The following GABRG3 variants were observed in gnomAD, a reference collection of about 807,000 sequenced individuals.
The protein encoded by GABRG3 is gamma-aminobutyric acid receptor subunit gamma-3.
A neutral mutation model predicts 48.8 loss-of-function variants in GABRG3; 25 were observed. The observed-to-expected ratio is 0.51, with a 90% CI of 0.37 to 0.72. The LOEUF (loss-of-function observed/expected upper bound fraction) is 0.72. Among genes scored for constraint, GABRG3 ranks in the 30% least tolerant of loss-of-function variants. GABRG3 has a pLI of 0.00. For missense variants in GABRG3, 394 were observed against 577.9 expected, an observed-to-expected ratio of 0.68 and a Z score of 3.26; for synonymous variants, 227 against 217.6, an observed-to-expected ratio of 1.04 and a Z score of -0.38.
At chr15:27,461,587 A>G (rs146450885) in intron 5 of GABRG3, among the ~76,000 whole-genome samples, 2,683 of 152,294 alleles carry the variant, frequency 0.018, 55 homozygotes, top group Middle Eastern at 0.085. Flanking sequence ...ATGGGTGGCC[A>G]GCTTTTATTC....
At chr15:27,532,546 G>C in intron 9 of GABRG3, 54 bp from the exon 10 acceptor site, 1 of 1,553,464 alleles carries the variant, frequency 6.4e-7, no homozygotes. Context: ...ATACACCTCA[G>C]GGTGTTTTTA....
intron 3 of GABRG3, among the ~76,000 whole-genome samples, chr15:27,192,707 C>G (rs989690661): frequency 6.6e-6 from 1 of 152,192 alleles, no homozygotes; most frequent in African/African-American, 2.4e-5. Flanking sequence ...CATCTGAAGC[C>G]TCCTTCTCTC....
chr15:27,094,599 C>T (rs550809744), intron 3 of GABRG3, among the ~76,000 whole-genome samples: 1 of 152,280 alleles, frequency 6.6e-6, no homozygotes, highest in Admixed American at 6.5e-5. Flanking sequence ...AGCAGTTCTG[C>T]AGGGAGCAGG....
intron 3 of GABRG3, among the ~76,000 whole-genome samples, chr15:27,200,482 G>A (rs1373370052): frequency 1.2e-4 from 19 of 152,106 alleles, no homozygotes; most frequent in Admixed American, 1.2e-3. Context: ...CGTGTGTTAG[G>A]TGCTGCATGC....
chr15:27,536,092 A>G lies in GABRG3; in HGVS notation c.*3211A>G, dbSNP rs1376077230. On this transcript the variant is annotated 3_prime_UTR_variant, in exon 10 of 10. Transcript: ENST00000615808. The stretch of plus-strand genomic sequence containing the variant: ...GGAGATGACAGTTCTGTATTTTGAC[A>G]TGGAATCCAAATTTCTGACCACTGT... The G allele has an allele frequency of 1.3e-5, 2 of 152,328 alleles. No individual in the cohort carries two copies. The highest frequency in any genetic ancestry group is 2.4e-5 in the African/African-American group (1 of 41,560). The allele number at this position is 152,328 out of a possible 1,614,324, so 9.4% of individuals were successfully genotyped here.
chr15:27,270,174 T>G (rs753094), intron 3 of GABRG3, among the ~76,000 whole-genome samples: 71,418 of 151,900 alleles, frequency 0.47, 18,861 homozygotes, highest in Non-Finnish European at 0.61. Flanking sequence ...CTTAGAAAAA[T>G]GAATCAAGTT....
At chr15:27,498,522 G>C (rs570572436) in intron 6 of GABRG3, among the ~76,000 whole-genome samples, 59 of 151,492 alleles carry the variant, frequency 3.9e-4, no homozygotes, top group Admixed American at 7.2e-4. Context: ...TTGAGACAAA[G>C]TTCCATTCTG....
At position 27,179,906 on chromosome 15, in the gene GABRG3, A is replaced by G. The variant is rs2140415986; in HGVS notation, c.271-146903A>G. ...CTGAATGTTTGTGCCCTGTTACCAG[A>G]TTGTTCTCTTGATTCACAGTTCATC... On this transcript the variant is annotated intron_variant, in intron 3 of 9. Transcript: ENST00000615808. The surrounding 1 kb of genome is among the most constrained non-coding windows in gnomAD (Gnocchi z 4.0). Among the ~76,000 whole-genome samples the G allele has an allele frequency of 6.6e-6, 1 of 152,308 alleles. No homozygotes were observed. Among genetic ancestry groups the G allele is most frequent in the East Asian group, 1.9e-4 (1 of 5,172 alleles).
intron 5 of GABRG3, among the ~76,000 whole-genome samples, chr15:27,431,234 T>A (rs1373701309): frequency 2.0e-5 from 3 of 152,102 alleles, no homozygotes; most frequent in African/African-American, 7.2e-5. Flanking sequence ...TGAATTTCCA[T>A]ATGAACTTTG....
Position 27,447,663 on chromosome 15 carries a change from A to C in GABRG3, c.575-32987A>C, listed in dbSNP as rs1331415738. On this transcript the variant is annotated intron_variant, in intron 5 of 9. Transcript: ENST00000615808. The surrounding 1 kb of genome is among the most constrained non-coding windows in gnomAD (Gnocchi z 4.0). ...TGGCACATATACACTGTGGAATACT[A>C]TGCAGCCATAAAAAAGGATGAGTTC... 6.6e-6 allele frequency among the ~76,000 whole-genome samples: 1 copy of C among 152,230 alleles called. No individual in the cohort carries two copies. The highest frequency in any genetic ancestry group is 1.5e-5 in the Non-Finnish European group (1 of 68,044).
intron 3 of GABRG3, among the ~76,000 whole-genome samples, chr15:27,061,719 C>T (rs1361744084): frequency 6.6e-6 from 1 of 152,134 alleles, no homozygotes; most frequent in African/African-American, 2.4e-5. Context: ...AGTCTTTTCC[C>T]TGCTAACTGC....
chr15:27,331,954 T>TA (rs201449979), intron 5 of GABRG3, among the ~76,000 whole-genome samples: 176 of 146,336 alleles, frequency 1.2e-3, no homozygotes, highest in African/African-American at 2.0e-3. Context: ...ATTATCAAAT[T>TA]AAAAAAAAAA....
At chr15:27,430,153 T>A (rs1888406685) in intron 5 of GABRG3, among the ~76,000 whole-genome samples, 1 of 152,240 alleles carries the variant, frequency 6.6e-6, no homozygotes, top group Admixed American at 6.5e-5. Flanking sequence ...TAATGACTAA[T>A]GATGTTGAGC....
intron 6 of GABRG3, among the ~76,000 whole-genome samples, chr15:27,491,027 C>T (rs187090107): frequency 1.2e-4 from 18 of 152,322 alleles, no homozygotes; most frequent in African/African-American, 3.6e-4. Flanking sequence ...AGAGGAGACT[C>T]ACTCCATTTA....
chr15:27,331,701 C>T lies in GABRG3; in HGVS notation c.574+2813C>T, dbSNP rs1445463241. ...CTAAGAATGAATGCTAAAATCAGTC[C>T]CTGGACTTTGGGTGATAATGATGTG... On this transcript the variant is annotated intron_variant, in intron 5 of 9. Transcript: ENST00000615808. 2.0e-5 allele frequency among the ~76,000 whole-genome samples: 3 copies of T among 152,070 alleles called. No homozygotes were observed. In the East Asian group the frequency reaches 5.8e-4, roughly 29 times the overall value.
At chr15:27,009,878 C>T (rs1367750875) in intron 2 of GABRG3, among the ~76,000 whole-genome samples, 1 of 152,140 alleles carries the variant, frequency 6.6e-6, no homozygotes, top group East Asian at 1.9e-4. Context: ...CCTCCTCCTC[C>T]TGCTCCTCCT....
At chr15:26,988,679 AT>A (rs1193452220) in intron 2 of GABRG3, among the ~76,000 whole-genome samples, 2 of 151,808 alleles carry the variant, frequency 1.3e-5, no homozygotes, top group African/African-American at 4.8e-5. Flanking sequence ...TCAGTTTATG[AT>A]CTTTTTATTT....
chr15:27,179,483 C>T lies in GABRG3; in HGVS notation c.271-147326C>T, dbSNP rs934534066. Among the ~76,000 whole-genome samples the T allele has an allele frequency of 1.5e-4, 23 of 152,146 alleles. No homozygotes were observed. The highest frequency in any genetic ancestry group is 3.1e-4 in the African/African-American group (13 of 41,422). On this transcript the variant is annotated intron_variant, in intron 3 of 9. Coordinates refer to ENST00000615808, the MANE Select transcript of GABRG3 (RefSeq NM_033223.5). The surrounding 1 kb of genome is among the most constrained non-coding windows in gnomAD (Gnocchi z 4.0). ...TCCCCTGATTTTTGTGATACAATTT[C>T]GCTGGCTTTATGCTTGGTCTGGCTC...
intron 5 of GABRG3, among the ~76,000 whole-genome samples, chr15:27,454,042 C>G (rs535194163): frequency 6.6e-6 from 1 of 152,206 alleles, no homozygotes; most frequent in Admixed American, 6.5e-5. Flanking sequence ...ATGTCCACAC[C>G]GGGAGGTAGT....
Sources: allele counts gnomAD v4.1 joint callset (sites outside exome capture counted in the v4.1 genomes callset), GRCh38; gene constraint gnomAD v4.1.1; non-coding constraint Gnocchi (gnomAD v3.1); transcripts MANE v1.5; gene names NCBI Gene and HGNC (gene_info 2026-07-23, HGNC 2026-07-21).